The following DNAH14 variants were observed in gnomAD, a reference collection of about 807,000 sequenced individuals.
DNAH14 encodes the protein axonemal beta dynein heavy chain 14.
In DNAH14, 478 loss-of-function variants were observed where a neutral mutation model predicts 520.9. The ratio of observed to expected loss-of-function variants is 0.92; its 90% CI spans 0.85 to 0.99. DNAH14 has a LOEUF of 0.99. Among genes scored for constraint, DNAH14 ranks in the 50% least tolerant of loss-of-function variants. The pLI, the probability that DNAH14 is intolerant of heterozygous loss-of-function variation, is 0.00. For missense variants in DNAH14, 4,831 were observed against 5,234.5 expected (o/e 0.92, Z 2.38); for synonymous variants, 1,581 against 1,757.2 (o/e 0.90, Z 2.51).
intron 41 of DNAH14, among the ~76,000 whole-genome samples, chr1:225,215,195 A>C (rs897681218): frequency 5.3e-5 from 8 of 152,170 alleles, no homozygotes; most frequent in Admixed American, 1.3e-4. Flanking sequence ...CAGGTTGTTC[A>C]GTTTCCATGT....
intron 21 of DNAH14, among the ~76,000 whole-genome samples, chr1:225,092,543 G>A (rs189557658): frequency 4.0e-4 from 61 of 152,102 alleles, no homozygotes; most frequent in African/African-American, 1.2e-3. Context: ...TGTTAACAGG[G>A]AAGTTTATAG....
chr1:224,974,135 T>C lies in DNAH14; in HGVS notation c.812T>C (p.Ile271Thr). Residue 271 changes from isoleucine (I) to threonine (T), a missense_variant, in exon 8 of 86, where the codon ATT becomes ACT. By Grantham distance (89) the Ile-to-Thr change is moderately conservative. Coordinates refer to ENST00000682510, the MANE Select transcript of DNAH14 (RefSeq NM_001367479.1). ...FVTWKLNVKR[I>T]KTEKSRSFLY... ...ACCTGGAAATTGAATGTTAAAAGAATTAAGACAGAGAAGAGCAGGTAAGTT... is the reference window on the plus strand; with the variant it reads ...ACCTGGAAATTGAATGTTAAAAGAACTAAGACAGAGAAGAGCAGGTAAGTT... The C allele has an allele frequency of 6.7e-7, 1 of 1,497,676 alleles. No homozygotes were observed. The allele number at this position is 1,497,676 out of a possible 1,614,324, so 92.8% of individuals were successfully genotyped here. A position where few individuals can be genotyped will look rare whatever the true frequency, so the allele number is the denominator to read the frequency against.
chr1:225,042,374 T>C (rs1385629066), intron 12 of DNAH14, among the ~76,000 whole-genome samples: 1 of 152,204 alleles, frequency 6.6e-6, no homozygotes, highest in African/African-American at 2.4e-5. Context: ...TCCATGTTAG[T>C]ATATGTATAT....
chr1:224,990,070 A>G (rs748656442), intron 8 of DNAH14, among the ~76,000 whole-genome samples: 8 of 151,992 alleles, frequency 5.3e-5, no homozygotes, highest in Non-Finnish European at 1.2e-4. Context: ...GCTTCATAAA[A>G]TGAACTAGGA....
In DNAH14 at chr1:225,333,398, A is replaced by C. The variant is rs1327446562; in HGVS notation, c.9972A>C (p.Pro3324=). The C allele has an allele frequency of 6.4e-7, 1 of 1,551,712 alleles. No individual in the cohort carries two copies. Among genetic ancestry groups the C allele is most frequent in the Non-Finnish European group, 8.7e-7 (1 of 1,146,938 alleles). The change falls in exon 66 of 86, where the codon CCA becomes CCC. Residue 3324 remains proline, a synonymous_variant. Coordinates refer to ENST00000682510, the MANE Select transcript of DNAH14 (RefSeq NM_001367479.1). The part of the protein sequence containing the change: ...ACIVYSGILT[P]EFRQLIVNKW... ...TTGTCTACAGTGGAATTTTAACACCAGAATTTCGCCAGTTGATTGTGAATA... is the reference window on the plus strand; with the variant it reads ...TTGTCTACAGTGGAATTTTAACACCCGAATTTCGCCAGTTGATTGTGAATA...
chr1:225,002,756 T>A, intron 8 of DNAH14, 27 bp from the exon 9 acceptor site: 1 of 1,542,778 alleles, frequency 6.5e-7, no homozygotes, highest in Non-Finnish European at 8.8e-7. Flanking sequence ...ATGAGAGATA[T>A]ATCTGTAGAA....
chr1:225,253,576 G>A (rs990819795), intron 44 of DNAH14, among the ~76,000 whole-genome samples: 1 of 151,630 alleles, frequency 6.6e-6, no homozygotes, highest in Non-Finnish European at 1.5e-5. Flanking sequence ...TGGTTGAGTA[G>A]GATTTTTTTT....
chr1:225,012,273 T>C (rs886858385), intron 10 of DNAH14, among the ~76,000 whole-genome samples: 1 of 152,224 alleles, frequency 6.6e-6, no homozygotes, highest in Non-Finnish European at 1.5e-5. Flanking sequence ...ATGTTGAATA[T>C]TGGCCCCCAC....
At chr1:225,179,747 T>A (rs372065424) in intron 36 of DNAH14, among the ~76,000 whole-genome samples, 4 of 152,318 alleles carry the variant, frequency 2.6e-5, no homozygotes, top group African/African-American at 9.6e-5. Flanking sequence ...GTTATCATAA[T>A]TTTCCTTCAG....
intron 8 of DNAH14, among the ~76,000 whole-genome samples, chr1:224,975,641 C>T (rs1051134904): frequency 7.9e-5 from 12 of 151,280 alleles, no homozygotes; most frequent in East Asian, 3.9e-4. Context: ...GTCTTGCTTG[C>T]GGTCTTTCAA....
intron 36 of DNAH14, among the ~76,000 whole-genome samples, chr1:225,171,196 C>A (rs916091064): frequency 2.7e-4 from 41 of 152,038 alleles, no homozygotes; most frequent in African/African-American, 9.9e-4. Flanking sequence ...ACCCTAACAT[C>A]ACAATTAAAA....
At chr1:225,065,468 A>G (rs1172145062) in intron 17 of DNAH14, among the ~76,000 whole-genome samples, 1 of 151,398 alleles carries the variant, frequency 6.6e-6, no homozygotes, top group Non-Finnish European at 1.5e-5. Context: ...CAACACACAA[A>G]TCTTACTCCT....
chr1:225,277,687 G>A (rs2093520902), intron 54 of DNAH14, among the ~76,000 whole-genome samples, 185 bp downstream of exon 54: 1 of 152,172 alleles, frequency 6.6e-6, no homozygotes, highest in Non-Finnish European at 1.5e-5. Context: ...AAATAAAAAT[G>A]GTATTTGTTT....
chr1:225,200,437 T>G (rs1023373865), intron 38 of DNAH14, among the ~76,000 whole-genome samples: 1 of 152,184 alleles, frequency 6.6e-6, no homozygotes, highest in African/African-American at 2.4e-5. Flanking sequence ...TTATAGGTCC[T>G]GTGAGATTTA....
Position 225,185,341 on chromosome 1 carries a change from A to ATGTT in DNAH14, c.5586_5587insTGTT (p.Val1863CysfsTer51). The ATGTT allele has an allele frequency of 6.5e-7, 1 of 1,548,018 alleles. No homozygotes were observed. The highest frequency in any genetic ancestry group is 8.7e-7 in the Non-Finnish European group (1 of 1,145,608). ...GCCCAACAGGTGGAGGAAAGACAAC[A>ATGTT]GTCAGAAGAATTTTGGAAAAAGCAT... is the stretch of plus-strand genomic sequence containing the variant. On this transcript the variant is annotated frameshift_variant, in exon 37 of 86. Coordinates refer to ENST00000682510, the MANE Select transcript of DNAH14 (RefSeq NM_001367479.1). LOFTEE classifies it high-confidence loss of function.
At chr1:225,224,038 C>T (rs1261008771) in intron 41 of DNAH14, among the ~76,000 whole-genome samples, 1 of 152,076 alleles carries the variant, frequency 6.6e-6, no homozygotes, top group African/African-American at 2.4e-5. Flanking sequence ...TGGATACATA[C>T]TAACTTCCTG....
chr1:225,013,804 C>G (rs947651087), intron 10 of DNAH14, among the ~76,000 whole-genome samples: 12 of 152,134 alleles, frequency 7.9e-5, no homozygotes, highest in African/African-American at 2.7e-4. Context: ...TGCCCCTTTC[C>G]CCACCAAGCT....
chr1:225,251,985 C>A (rs2092571617), intron 43 of DNAH14, among the ~76,000 whole-genome samples: 1 of 152,136 alleles, frequency 6.6e-6, no homozygotes, highest in South Asian at 2.1e-4. Flanking sequence ...GGTTTGACCA[C>A]AATCAATATG....
rs2094580593 is a variant in DNAH14 at position 225,322,765 on chromosome 1, C to T, written c.9437C>T (p.Ser3146Leu). 8 of 1,551,668 alleles carry T rather than the reference C, an allele frequency of 5.2e-6. No homozygotes were observed. Among genetic ancestry groups the T allele is most frequent in the Non-Finnish European group, 7.0e-6 (8 of 1,146,882 alleles). The change falls in exon 62 of 86, where the codon TCA becomes TTA. Residue 3146 changes from serine to leucine, a missense_variant. Physicochemically the swap from Ser to Leu is moderately radical, Grantham distance 145. Transcript: ENST00000682510. Reference protein sequence around the residue: ...PNWATAKLLLSETGFLKKLIN... With the variant: ...PNWATAKLLLLETGFLKKLIN... ...TGGGCAACGGCAAAGTTACTTCTTT[C>T]AGAAACTGGTTTCCTGAAAAAATTG...
Sources: gnomAD v4.1 joint callset for allele counts (sites outside exome capture counted in the v4.1 genomes callset) on GRCh38, gnomAD v4.1.1 for gene constraint, MANE v1.5 for transcripts, NCBI Gene and HGNC (gene_info 2026-07-23, HGNC 2026-07-21) for gene names.